The following ASPRV1 variants were observed in gnomAD, a reference collection of about 807,000 sequenced individuals.
ASPRV1 encodes retroviral-like aspartic protease 1.
ASPRV1 carries 7 observed loss-of-function variants against 11.0 expected under a neutral mutation model. The observed-to-expected ratio is 0.64, with a 90% CI of 0.36 to 1.20. ASPRV1 has a LOEUF of 1.20. ASPRV1 is among the 50% of genes most tolerant of loss of function. ASPRV1 has a pLI of 0.02. For missense variants in ASPRV1, 299 were observed against 320.0 expected, an observed-to-expected ratio of 0.93 and a Z score of 0.50; for synonymous variants, 136 against 138.4, an observed-to-expected ratio of 0.98 and a Z score of 0.12.
At chr2:70,014,796 CAAAAAAAAAAA>C in the ASPRV1 span, among the ~76,000 whole-genome samples, 2,114 of 74,128 alleles carry the variant, frequency 0.029, 76 homozygotes, top group African/African-American at 0.092. Flanking sequence ...GACCTTGTCT[CAAAAAAAAAAA>C]AAAAAAAAAA....
chr2:70,020,865 T>G, the ASPRV1 span, among the ~76,000 whole-genome samples: 20 of 151,894 alleles, frequency 1.3e-4, no homozygotes, highest in African/African-American at 4.8e-4. Context: ...GAGGGGAGAA[T>G]AGGGAGTTTT....
chr2:70,066,352 C>A, the ASPRV1 span, among the ~76,000 whole-genome samples: 4 of 152,012 alleles, frequency 2.6e-5, no homozygotes, highest in African/African-American at 9.6e-5. Context: ...GATTCTCCTA[C>A]CTCAGCCTCC....
chr2:70,049,908 T>C, the ASPRV1 span: 2 of 152,208 alleles, frequency 1.3e-5, no homozygotes, highest in African/African-American at 4.8e-5. Context: ...TACTTTCAAA[T>C]TAGGGAAGAG....
the ASPRV1 span, among the ~76,000 whole-genome samples, chr2:70,029,679 A>G: frequency 6.6e-6 from 1 of 152,176 alleles, no homozygotes; most frequent in Non-Finnish European, 1.5e-5. Context: ...GACTTAGTGG[A>G]GGACATCAGA....
At chr2:70,065,819 C>CAAAAAAAAAAAAAAAAAAAA in the ASPRV1 span, among the ~76,000 whole-genome samples, 1 of 67,448 alleles carries the variant, frequency 1.5e-5, no homozygotes, top group African/African-American at 5.9e-5. Context: ...GCTTTTGACT[C>CAAAAAAAAAAAAAAAAAAAA]AAAAAAAAAA....
rs762215216 is a variant in ASPRV1 at position 69,960,831 on chromosome 2, A to C, written c.606T>G (p.Thr202=). 1 of 1,614,152 alleles carries C rather than the reference A, an allele frequency of 6.2e-7. No homozygotes were observed. The highest frequency in any genetic ancestry group is 8.5e-7 in the Non-Finnish European group (1 of 1,180,014). ...TAGCATTGTGGTCCTGGAGCACATC[A>C]GTGCCAATGATGGCTTCCTCGGCAC... ...NASAEEAIIG[T]DVLQDHNAIL... The change falls in exon 1 of 1, where the codon ACT becomes ACG. Residue 202 remains threonine (T), a synonymous_variant. Coordinates refer to ENST00000320256, the MANE Select transcript of ASPRV1 (RefSeq NM_152792.4).
chr2:69,964,657 T>C (rs895589864), upstream of ASPRV1: 1 of 211,448 alleles, frequency 4.7e-6, no homozygotes, highest in Non-Finnish European at 9.7e-6. Flanking sequence ...GACACCCTCA[T>C]TATCACCCAT....
At chr2:70,018,496 G>A in the ASPRV1 span, among the ~76,000 whole-genome samples, 1 of 152,096 alleles carries the variant, frequency 6.6e-6, no homozygotes, top group African/African-American at 2.4e-5. Flanking sequence ...AACAAGGCTA[G>A]AGGTATCATA....
At chr2:69,964,025 A>G (rs929702824), upstream of ASPRV1, among the ~76,000 whole-genome samples, 17 of 152,166 alleles carry the variant, frequency 1.1e-4, no homozygotes, top group Middle Eastern at 3.2e-3. Flanking sequence ...TATTTACATC[A>G]CCAAAATTGG....
At chr2:70,017,210 C>T in the ASPRV1 span, among the ~76,000 whole-genome samples, 17 of 152,312 alleles carry the variant, frequency 1.1e-4, no homozygotes, top group African/African-American at 3.8e-4. Context: ...CCAGGATGGT[C>T]TCCATCTCCT....
chr2:70,031,478 A>ACC, the ASPRV1 span: 3 of 152,282 alleles, frequency 2.0e-5, no homozygotes, highest in African/African-American at 2.4e-5. Flanking sequence ...CGGGCGGATC[A>ACC]TGAGGTCAGG....
At chr2:70,077,153 T>TA in the ASPRV1 span, 13 of 152,204 alleles carry the variant, frequency 8.5e-5, no homozygotes, top group Admixed American at 4.6e-4. Flanking sequence ...GCAACCAACA[T>TA]AAAGTTCTTA....
At chr2:69,948,768 G>T in the ASPRV1 span, among the ~76,000 whole-genome samples, 1 of 151,472 alleles carries the variant, frequency 6.6e-6, no homozygotes, top group African/African-American at 2.5e-5. Flanking sequence ...CCTGTCTCCC[G>T]CTCTGCCCAC....
chr2:69,999,132 G>A, the ASPRV1 span, among the ~76,000 whole-genome samples: 94 of 152,206 alleles, frequency 6.2e-4, 1 homozygote, highest in South Asian at 0.016. Context: ...GTTTCACTAC[G>A]TAGCCCAGGC....
At chr2:69,954,863 G>A in the ASPRV1 span, among the ~76,000 whole-genome samples, 11 of 152,068 alleles carry the variant, frequency 7.2e-5, no homozygotes, top group South Asian at 2.1e-4. Flanking sequence ...CTCCCTTCAC[G>A]TCCTTCCTAG....
the ASPRV1 span, among the ~76,000 whole-genome samples, chr2:70,008,072 G>C: frequency 5.9e-5 from 9 of 152,164 alleles, no homozygotes; most frequent in East Asian, 1.7e-3. Flanking sequence ...CTGACCTCAA[G>C]TGATCTGCCC....
At chr2:70,018,863 C>A in the ASPRV1 span, 1 of 152,060 alleles carries the variant, frequency 6.6e-6, no homozygotes, top group African/African-American at 2.4e-5. Flanking sequence ...TTGGTCTGGG[C>A]AAAAATTTTG....
the ASPRV1 span, among the ~76,000 whole-genome samples, chr2:70,021,270 G>T: frequency 6.6e-6 from 1 of 151,016 alleles, no homozygotes; most frequent in Admixed American, 6.6e-5. Context: ...TCCATGGTGT[G>T]TACATACCAT....
chr2:70,074,112 C>T, the ASPRV1 span, among the ~76,000 whole-genome samples: 2 of 104,592 alleles, frequency 1.9e-5, no homozygotes, highest in East Asian at 3.0e-4. Flanking sequence ...CCAGCCCGGG[C>T]GACAGAGCAA....
Sources: allele counts gnomAD v4.1 joint callset (sites outside exome capture counted in the v4.1 genomes callset), GRCh38; gene constraint gnomAD v4.1.1; transcripts MANE v1.5; gene names NCBI Gene and HGNC (gene_info 2026-07-23, HGNC 2026-07-21).